Variants in NDUFAF6 observed in about 807,000 individuals in gnomAD.
NDUFAF6 encodes the protein NADH:ubiquinone oxidoreductase complex assembly factor 6, also known as NADH dehydrogenase (ubiquinone) complex I, assembly factor 6.
Under a neutral mutation model 40.8 loss-of-function variants are expected in NDUFAF6, and 45 were observed. The observed-to-expected ratio is 1.10, with a 90% CI of 0.87 to 1.42. The LOEUF (loss-of-function observed/expected upper bound fraction) is 1.42. Ranked by LOEUF, NDUFAF6 falls within the 40% of genes most tolerant of loss-of-function variation. The pLI is 0.00. For missense variants in NDUFAF6, 435 were observed against 418.5 expected (o/e 1.04, Z -0.34); for synonymous variants, 185 against 155.9 (o/e 1.19, Z -1.39).
chr8:95,030,761 A>G (rs1336176494), intron 1 of NDUFAF6, among the ~76,000 whole-genome samples: 1 of 152,198 alleles, frequency 6.6e-6, no homozygotes, highest in Non-Finnish European at 1.5e-5. Flanking sequence ...TTATAAAGGA[A>G]TATCTGAGAC....
upstream of NDUFAF6, among the ~76,000 whole-genome samples, chr8:94,954,089 A>G (rs1218073170): frequency 1.3e-5 from 2 of 152,130 alleles, no homozygotes; most frequent in Admixed American, 1.3e-4. Flanking sequence ...TTTGAGATGG[A>G]ATCTCGCTTC....
chr8:94,909,443 A>G (rs1818617102), intron 1 of NDUFAF6, among the ~76,000 whole-genome samples: 1 of 150,196 alleles, frequency 6.7e-6, no homozygotes, highest in African/African-American at 2.5e-5. Flanking sequence ...TGGTCAACAT[A>G]GTGAAACCCC....
chr8:95,055,065 T>C (rs1831952783), intron 8 of NDUFAF6: 1 of 152,204 alleles, frequency 6.6e-6, no homozygotes, highest in African/African-American at 2.4e-5. Context: ...AACCAAAGCC[T>C]GATGTAAAAA....
intron 9 of NDUFAF6, among the ~76,000 whole-genome samples, chr8:95,065,444 ATTTT>A (rs897465145): frequency 6.6e-6 from 1 of 151,826 alleles, no homozygotes; most frequent in Non-Finnish European, 1.5e-5. Flanking sequence ...GTCCTCCTCT[ATTTT>A]TTTCCCCCTT....
chr8:95,099,500 A>G (rs1191702692), upstream of NDUFAF6, among the ~76,000 whole-genome samples: 5 of 152,058 alleles, frequency 3.3e-5, no homozygotes, highest in African/African-American at 1.2e-4. Flanking sequence ...AATCCCAGCT[A>G]CTAAAGAGGC....
chr8:94,995,485 C>T (rs1269182963), intron 2 of NDUFAF6, among the ~76,000 whole-genome samples: 3 of 151,866 alleles, frequency 2.0e-5, no homozygotes, highest in South Asian at 4.1e-4. Flanking sequence ...AAATTTGAGC[C>T]GGGAATGGTG....
intron 1 of NDUFAF6, among the ~76,000 whole-genome samples, chr8:94,925,171 A>G (rs1251050762): frequency 6.6e-6 from 1 of 152,212 alleles, no homozygotes; most frequent in African/African-American, 2.4e-5. Context: ...TCAGATAATA[A>G]AAATCTGACT....
intron 1 of NDUFAF6, chr8:94,929,348 G>A (rs1820171626): frequency 6.6e-6 from 1 of 151,896 alleles, no homozygotes; most frequent in African/African-American, 2.4e-5. Context: ...TAAAGATTTT[G>A]CCTGAAGTTA....
At chr8:94,957,112 C>T (rs1054663101), upstream of NDUFAF6, among the ~76,000 whole-genome samples, 1 of 152,108 alleles carries the variant, frequency 6.6e-6, no homozygotes, top group Non-Finnish European at 1.5e-5. Flanking sequence ...GCGGGGGTTG[C>T]AGTGAGCTAA....
rs143601178 is a variant in NDUFAF6 at position 94,995,882 on chromosome 8, A to G, written c.-84+14909A>G. Among the ~76,000 whole-genome samples the G allele has an allele frequency of 7.1e-3, 1,079 of 152,240 alleles. 16 individuals are homozygous for G. Among genetic ancestry groups the G allele is most frequent in the African/African-American group, 0.024 (1,016 of 41,538 alleles). ...ACCCTTCACCTCCTGGGTTCAAGCA[A>G]ATCTCCCGTCTCAGCCTCCCAAGTA... On this transcript the variant is annotated intron_variant, in intron 2 of 9. Transcript: ENST00000396111.
At chr8:95,086,052 G>A (rs1809033516) in intron 2 of NDUFAF6, among the ~76,000 whole-genome samples, 1 of 152,118 alleles carries the variant, frequency 6.6e-6, no homozygotes, top group Non-Finnish European at 1.5e-5. Context: ...CAGGAAGAGC[G>A]ACAAACTTCC....
chr8:94,996,979 C>G (rs528632211), intron 2 of NDUFAF6, among the ~76,000 whole-genome samples: 1 of 152,262 alleles, frequency 6.6e-6, no homozygotes, highest in East Asian at 1.9e-4. Flanking sequence ...AGCCCCAGTA[C>G]CTGGTGGTTT....
chr8:95,094,252 G>A (rs761057804), intron 2 of NDUFAF6, among the ~76,000 whole-genome samples: 15 of 152,174 alleles, frequency 9.9e-5, no homozygotes, highest in South Asian at 8.3e-4. Flanking sequence ...GATTATAGGC[G>A]TGAGCCACCA....
In NDUFAF6 at chr8:95,025,171, T is replaced by TG. The variant is rs1234140766; in HGVS notation, c.167dup (p.Thr57HisfsTer2). 1.4e-6 allele frequency: 2 copies of TG among 1,480,192 alleles called. No individual in the cohort carries two copies. The allele number at this position is 1,480,192 out of a possible 1,614,324, so 91.7% of individuals were successfully genotyped here. A position where few individuals can be genotyped will look rare whatever the true frequency, so the allele number is the denominator to read the frequency against. On this transcript the variant is annotated frameshift_variant, in exon 1 of 9. Coordinates refer to ENST00000396124, the MANE Select transcript of NDUFAF6 (RefSeq NM_152416.4). LOFTEE classifies it high-confidence loss of function. The stretch of plus-strand genomic sequence containing the variant: ...GGCTGCGGCCAGCGGACCGGGCGCC[T>TG]GGGGCACTGACCACTACTGCCTGGA...
At chr8:95,070,135 G>A (rs977888968) in intron 9 of NDUFAF6, among the ~76,000 whole-genome samples, 8 of 152,042 alleles carry the variant, frequency 5.3e-5, no homozygotes, top group African/African-American at 1.7e-4. Context: ...GGACAAGAAT[G>A]TGGTTCTGCA....
At chr8:94,915,092 T>G (rs1819040599) in intron 1 of NDUFAF6, among the ~76,000 whole-genome samples, 1 of 151,654 alleles carries the variant, frequency 6.6e-6, no homozygotes, top group South Asian at 2.1e-4. Context: ...GCTTTTGGAG[T>G]CCCCAGTGTC....
chr8:95,020,488 G>A (rs1221289910), upstream of NDUFAF6, among the ~76,000 whole-genome samples: 10 of 152,302 alleles, frequency 6.6e-5, no homozygotes, highest in East Asian at 1.9e-3. Flanking sequence ...CCCCATCTGG[G>A]CTGAGGCAGC....
upstream of NDUFAF6, among the ~76,000 whole-genome samples, chr8:94,957,338 A>G (rs1324724906): frequency 1.3e-5 from 2 of 152,170 alleles, no homozygotes. Context: ...CAGCTTTAAT[A>G]TTTATAGCCA....
chr8:95,083,736 T>C (rs1808949866), intron 2 of NDUFAF6, among the ~76,000 whole-genome samples: 1 of 152,228 alleles, frequency 6.6e-6, no homozygotes, highest in South Asian at 2.1e-4. Flanking sequence ...AGTCTCAAAG[T>C]AGCAATGATC....
Sources: gnomAD v4.1 joint callset for allele counts (sites outside exome capture counted in the v4.1 genomes callset) on GRCh38, gnomAD v4.1.1 for gene constraint, MANE v1.5 for transcripts, NCBI Gene and HGNC (gene_info 2026-07-23, HGNC 2026-07-21) for gene names.